Variants in CYRIA observed in about 807,000 individuals in gnomAD.
The protein encoded by CYRIA is CYFIP related Rac1 interactor A.
In CYRIA, 15 loss-of-function variants were observed where a neutral mutation model predicts 43.9. The observed-to-expected ratio is 0.34, with a 90% confidence interval of 0.23 to 0.53. The LOEUF (loss-of-function observed/expected upper bound fraction) is 0.53, where lower values mean the gene tolerates loss of function less well. Among genes scored for constraint, CYRIA ranks in the 20% least tolerant of loss-of-function variants. The pLI is 0.94. For synonymous variants in CYRIA, 117 were observed against 136.0 expected, an observed-to-expected ratio of 0.86 and a Z score of 0.97; for missense variants, 236 against 394.2, an observed-to-expected ratio of 0.60 and a Z score of 3.40.
rs1388472568 is a variant in CYRIA at position 16,650,051 on chromosome 2, C to T, written c.-167+15729G>A. ...TCCAAGAAGCACACACCCCCTCAGC[C>T]CAGGTTCCAGAATGAGAAGAAATGT... On this transcript the variant is annotated intron_variant, in intron 1 of 11. Coordinates refer to ENST00000381323, the MANE Select transcript of CYRIA (RefSeq NM_030797.4). The surrounding 1 kb of genome is among the most constrained non-coding windows in gnomAD (Gnocchi z 4.1). Among the ~76,000 whole-genome samples the T allele has an allele frequency of 6.6e-6, 1 of 152,152 alleles. No individual in the cohort carries two copies. Among genetic ancestry groups the T allele is most frequent in the East Asian group, 1.9e-4 (1 of 5,188 alleles).
intron 2 of CYRIA, among the ~76,000 whole-genome samples, chr2:16,609,768 TCTC>T (rs1572503152): frequency 6.6e-6 from 1 of 151,936 alleles, no homozygotes; most frequent in East Asian, 1.9e-4. Flanking sequence ...CCCTGTCACT[TCTC>T]CTCCTAAAAC....
intron 2 of CYRIA, among the ~76,000 whole-genome samples, chr2:16,613,143 A>G (rs1668663284): frequency 6.6e-6 from 1 of 152,190 alleles, no homozygotes; most frequent in African/African-American, 2.4e-5. Context: ...CGTGAGAATG[A>G]ACTAGTACAC....
intron 2 of CYRIA, among the ~76,000 whole-genome samples, chr2:16,617,746 A>G (rs929764884): frequency 1.3e-5 from 2 of 152,186 alleles, no homozygotes; most frequent in African/African-American, 2.4e-5. Context: ...TTTAAGTGCA[A>G]ACTCCACACC....
At chr2:16,589,790 A>G (rs181574932) in intron 2 of CYRIA, among the ~76,000 whole-genome samples, 13 of 152,204 alleles carry the variant, frequency 8.5e-5, no homozygotes, top group Non-Finnish European at 1.8e-4. Flanking sequence ...TTAGCCTATG[A>G]AAGATGGATT....
At chr2:16,652,225 C>T (rs370259370) in intron 1 of CYRIA, among the ~76,000 whole-genome samples, 1 of 152,228 alleles carries the variant, frequency 6.6e-6, no homozygotes, top group East Asian at 1.9e-4. Flanking sequence ...CTCTAGCTTC[C>T]GTCTTCAGTG....
At chr2:16,576,161 G>C (rs1292648242) in intron 3 of CYRIA, among the ~76,000 whole-genome samples, 1 of 152,174 alleles carries the variant, frequency 6.6e-6, no homozygotes, top group Non-Finnish European at 1.5e-5. Context: ...TGGATTCAAC[G>C]ATATAGTTCC....
chr2:16,648,336 AAAAAAAG>A (rs1384603936), intron 1 of CYRIA, among the ~76,000 whole-genome samples: 1 of 151,918 alleles, frequency 6.6e-6, no homozygotes, highest in African/African-American at 2.4e-5. Context: ...GCAAAAAAAA[AAAAAAAG>A]AATGTAATGA....
At chr2:16,628,137 C>A (rs929069185) in intron 1 of CYRIA, among the ~76,000 whole-genome samples, 1 of 149,236 alleles carries the variant, frequency 6.7e-6, no homozygotes, top group Non-Finnish European at 1.5e-5. Flanking sequence ...GAGCTAAAGC[C>A]AAAAACAGTC....
chr2:16,589,820 G>A (rs1667858770), intron 2 of CYRIA, among the ~76,000 whole-genome samples: 2 of 152,106 alleles, frequency 1.3e-5, no homozygotes, highest in East Asian at 3.9e-4. Flanking sequence ...CGTATGCTGT[G>A]CTAGGAAAGA....
At chr2:16,658,528 C>T (rs1239882467) in intron 1 of CYRIA, among the ~76,000 whole-genome samples, 2 of 152,214 alleles carry the variant, frequency 1.3e-5, no homozygotes, top group Admixed American at 1.3e-4. Context: ...TTCCATCCAA[C>T]CCAGGTCTGT....
intron 3 of CYRIA, among the ~76,000 whole-genome samples, chr2:16,573,564 C>T (rs1667216553): frequency 6.6e-6 from 1 of 152,140 alleles, no homozygotes; most frequent in Admixed American, 6.5e-5. Flanking sequence ...GTGTCCCCAC[C>T]CAAATCTCAT....
At chr2:16,624,497 CCT>C (rs1342157175) in intron 1 of CYRIA, among the ~76,000 whole-genome samples, 6 of 152,158 alleles carry the variant, frequency 3.9e-5, no homozygotes, top group Non-Finnish European at 7.3e-5. Flanking sequence ...GATGGTTCTC[CCT>C]GTTTCTCATT....
intron 1 of CYRIA, among the ~76,000 whole-genome samples, chr2:16,648,190 G>C (rs115432847): frequency 2.4e-4 from 36 of 152,226 alleles, no homozygotes; most frequent in Non-Finnish European, 3.2e-4. Flanking sequence ...ACTCAGCCAG[G>C]GGGGTGGAGT....
chr2:16,611,504 A>G (rs553727945), intron 2 of CYRIA, among the ~76,000 whole-genome samples: 1 of 152,362 alleles, frequency 6.6e-6, no homozygotes, highest in South Asian at 2.1e-4. Context: ...AAAGACAACT[A>G]TAATGGGGAG....
intron 1 of CYRIA, among the ~76,000 whole-genome samples, chr2:16,646,109 C>G (rs999591796): frequency 6.6e-6 from 1 of 152,186 alleles, no homozygotes; most frequent in Non-Finnish European, 1.5e-5. Flanking sequence ...TAGTCTTTCC[C>G]TCTCTGGGCC....
chr2:16,599,631 T>G (rs1161087637), intron 2 of CYRIA, among the ~76,000 whole-genome samples: 7 of 145,970 alleles, frequency 4.8e-5, no homozygotes, highest in African/African-American at 1.8e-4. Context: ...GCCCACTGTC[T>G]GGCACTCCCT....
intron 1 of CYRIA, among the ~76,000 whole-genome samples, chr2:16,641,885 C>A (rs1364161794): frequency 6.6e-6 from 1 of 152,148 alleles, no homozygotes; most frequent in African/African-American, 2.4e-5. Flanking sequence ...TTTATTAAAC[C>A]CATTAGCAAT....
At chr2:16,656,160 C>A (rs376957809) in intron 1 of CYRIA, among the ~76,000 whole-genome samples, 1 of 152,078 alleles carries the variant, frequency 6.6e-6, no homozygotes, top group Admixed American at 6.6e-5. Context: ...CACATGTACA[C>A]GCTTACACAT....
At chr2:16,628,721 C>G (rs549302661) in intron 1 of CYRIA, among the ~76,000 whole-genome samples, 17 of 152,306 alleles carry the variant, frequency 1.1e-4, no homozygotes, top group Middle Eastern at 3.4e-3. Flanking sequence ...AATCCACACT[C>G]CCACAGGCTG....
Sources: allele counts gnomAD v4.1 joint callset (sites outside exome capture counted in the v4.1 genomes callset), GRCh38; gene constraint gnomAD v4.1.1; non-coding constraint Gnocchi (gnomAD v3.1); transcripts MANE v1.5; gene names NCBI Gene and HGNC (gene_info 2026-07-23, HGNC 2026-07-21).